Variants in GRIN2A observed in about 807,000 individuals in gnomAD.
The protein encoded by GRIN2A is glutamate receptor ionotropic, NMDA 2A.
In GRIN2A, 22 loss-of-function variants were observed where a neutral mutation model predicts 113.4. The ratio of observed to expected loss-of-function variants is 0.19; its 90% CI spans 0.14 to 0.28. The LOEUF (loss-of-function observed/expected upper bound fraction) is 0.28, where lower values mean the gene tolerates loss of function less well. Among genes scored for constraint, GRIN2A ranks in the 10% least tolerant of loss-of-function variants. The probability of loss-of-function intolerance (pLI) is 1.00; values close to 1 mark genes in which losing one functional copy is unlikely to be tolerated. For missense variants in GRIN2A, 1,502 were observed against 1,887.0 expected (o/e 0.80, Z 3.78); for synonymous variants, 827 against 738.4 (o/e 1.12, Z -1.94).
chr16:9,995,061 C>G (rs147805790), intron 2 of GRIN2A, among the ~76,000 whole-genome samples: 1 of 152,196 alleles, frequency 6.6e-6, no homozygotes, highest in Non-Finnish European at 1.5e-5. Context: ...GAAAGGAAGA[C>G]TGTTGGTCCT....
In GRIN2A at chr16:9,841,901, A is replaced by G. The variant is rs545322833; in HGVS notation, c.1329-797T>C. Among the ~76,000 whole-genome samples the G allele has an allele frequency of 5.9e-5, 9 of 152,352 alleles. No individual in the cohort carries two copies. The South Asian group carries it at 1.7e-3, about 28-fold the overall frequency. ...TGTTTTGTACCAGCCACCTTGCTGT[A>G]TTCACCTGAACAAGACATATTCAAA... On this transcript the variant is annotated intron_variant, in intron 5 of 12. Transcript: ENST00000330684.
At position 9,896,328 on chromosome 16, in the gene GRIN2A, C is replaced by T. The variant is rs180699415; in HGVS notation, c.1008-5228G>A. On this transcript the variant is annotated intron_variant, in intron 3 of 12. Coordinates refer to ENST00000330684, the MANE Select transcript of GRIN2A (RefSeq NM_001134407.3). ...CCTCCCAAAGTGCTGGGATTACAGG[C>T]GTGAGCCACCATGCCCAGCCAAAAC... Among the ~76,000 whole-genome samples the T allele has an allele frequency of 7.0e-4, 107 of 152,246 alleles. 1 individual carries two copies. The South Asian group carries it at 0.015, about 21-fold the overall frequency.
upstream of GRIN2A, chr16:10,182,763 GCCCTA>G (rs2050294423): frequency 6.6e-6 from 1 of 152,366 alleles, no homozygotes; most frequent in Non-Finnish European, 1.5e-5. Context: ...ATCCGGCCAA[GCCCTA>G]GGAGCTCCCC....
At chr16:9,779,156 G>A (rs1901790930) in intron 11 of GRIN2A, among the ~76,000 whole-genome samples, 1 of 152,244 alleles carries the variant, frequency 6.6e-6, no homozygotes, top group Non-Finnish European at 1.5e-5. Flanking sequence ...AAAGGAAGCA[G>A]TGGGAAAGCA....
At chr16:10,036,437 CTTTT>C (rs1360199200) in intron 2 of GRIN2A, among the ~76,000 whole-genome samples, 7 of 92,672 alleles carry the variant, frequency 7.6e-5, no homozygotes, top group African/African-American at 1.3e-4. Flanking sequence ...TTAGTACTTA[CTTTT>C]TTTTTTTCTT....
chr16:10,060,880 A>T (rs2047541332), intron 2 of GRIN2A, among the ~76,000 whole-genome samples: 1 of 152,128 alleles, frequency 6.6e-6, no homozygotes, highest in South Asian at 2.1e-4. Context: ...CCCAAATCTA[A>T]CTTCCTACCA....
chr16:10,112,339 T>C (rs1176396323), intron 2 of GRIN2A: 2 of 651,102 alleles, frequency 3.1e-6, no homozygotes, highest in East Asian at 2.6e-5. Flanking sequence ...GTGGATGGAC[T>C]GCATGTAGTT....
rs961637334 is a variant in GRIN2A at position 9,762,282 on chromosome 16, A to G, written c.*867T>C. The G allele has an allele frequency of 8.8e-6, 2 of 226,340 alleles. No individual in the cohort carries two copies. Among genetic ancestry groups the G allele is most frequent in the Non-Finnish European group, 1.8e-5 (2 of 113,514 alleles). 14.0% of individuals were successfully genotyped at this position (226,340 alleles called of 1,614,324 possible). On this transcript the variant is annotated 3_prime_UTR_variant, in exon 13 of 13. Transcript: ENST00000330684. ...AGGGAGGAAATGCAAACTTACGTAC[A>G]TAGGCGTCTTCGGGATAAACTACAA...
At position 9,756,349 on chromosome 16, in the gene GRIN2A, G is replaced by GCT. The variant is rs978961205; in HGVS notation, c.*6799_*6800insAG. ...ACAAACAGTGTTCAAGTCTCAGAAG[G>GCT]AACTATGAACAGAGGTGAGATCCCC... On this transcript the variant is annotated 3_prime_UTR_variant, in exon 13 of 13. Coordinates refer to ENST00000330684, the MANE Select transcript of GRIN2A (RefSeq NM_001134407.3). 2.2e-5 allele frequency: 5 copies of GCT among 230,068 alleles called. No homozygotes were observed. The highest frequency in any genetic ancestry group is 1.1e-4 in the African/African-American group (5 of 45,128). The allele number at this position is 230,068 out of a possible 1,614,324, so 14.3% of individuals were successfully genotyped here.
chr16:10,042,538 G>C (rs1472609595), intron 2 of GRIN2A, among the ~76,000 whole-genome samples: 1 of 152,098 alleles, frequency 6.6e-6, no homozygotes, highest in Non-Finnish European at 1.5e-5. Flanking sequence ...AGAGACCCTA[G>C]GCAAGAATCC....
At chr16:9,794,865 C>T (rs1388196139) in intron 11 of GRIN2A, 1 of 152,144 alleles carries the variant, frequency 6.6e-6, no homozygotes, top group Non-Finnish European at 1.5e-5. Context: ...CAGTGCAACA[C>T]TAAAGAAGTT....
chr16:9,781,474 C>G (rs951130173), intron 11 of GRIN2A, among the ~76,000 whole-genome samples: 1 of 152,158 alleles, frequency 6.6e-6, no homozygotes, highest in Admixed American at 6.5e-5. Flanking sequence ...GATCCTCCCA[C>G]CTCAGCTTCC....
At chr16:10,123,265 C>G (rs2048867732) in intron 2 of GRIN2A, among the ~76,000 whole-genome samples, 1 of 152,144 alleles carries the variant, frequency 6.6e-6, no homozygotes, top group South Asian at 2.1e-4. Context: ...CTCCAGCAAC[C>G]CTGGCTCGGG....
intron 2 of GRIN2A, among the ~76,000 whole-genome samples, chr16:10,123,481 G>T (rs576333294): frequency 2.6e-5 from 4 of 152,122 alleles, no homozygotes; most frequent in Non-Finnish European, 4.4e-5. Flanking sequence ...TACTGAAGTC[G>T]CACGTTGTTT....
intron 2 of GRIN2A, among the ~76,000 whole-genome samples, chr16:10,080,136 T>C (rs2047951172): frequency 6.6e-6 from 1 of 152,228 alleles, no homozygotes; most frequent in Non-Finnish European, 1.5e-5. Context: ...CCCTGCCTGG[T>C]TGCCACAACA....
chr16:9,882,314 C>T (rs1199497709), intron 4 of GRIN2A, among the ~76,000 whole-genome samples: 1 of 152,214 alleles, frequency 6.6e-6, no homozygotes, highest in Non-Finnish European at 1.5e-5. Flanking sequence ...CACAATGATA[C>T]ACCACAGTCA....
In GRIN2A at chr16:10,050,326, A is replaced by G. The variant is rs1220985432; in HGVS notation, c.415-111775T>C. ...GACCAGTACCAGTCCATGACCTATT[A>G]GGAACTGGGCCACACAGCAGGAGGT... On this transcript the variant is annotated intron_variant, in intron 2 of 12. Transcript: ENST00000330684. 1.3e-5 allele frequency among the ~76,000 whole-genome samples: 2 copies of G among 152,156 alleles called. 1 individual carries two copies. Among genetic ancestry groups the G allele is most frequent in the African/African-American group, 4.8e-5 (2 of 41,436 alleles).
rs758615952 is a variant in GRIN2A at position 9,763,748 on chromosome 16, C to T, written c.3796G>A (p.Val1266Ile). 1 of 1,614,130 alleles carries T rather than the reference C, an allele frequency of 6.2e-7. No individual in the cohort carries two copies. The highest frequency in any genetic ancestry group is 1.3e-5 in the African/African-American group (1 of 75,028). Residue 1266 changes from valine (V) to isoleucine (I), a missense_variant, in exon 13 of 13, where the codon GTC becomes ATC. Coordinates refer to ENST00000330684, the MANE Select transcript of GRIN2A (RefSeq NM_001134407.3). ...ETGNPATGEQVYQQDWAQNNA... is the reference protein window; with the variant it reads ...ETGNPATGEQIYQQDWAQNNA... The stretch of plus-strand genomic sequence containing the variant: ...TTCTGTGCCCAGTCCTGCTGGTAGA[C>T]CTGCTCCCCGGTGGCTGGGTTACCT...
At chr16:9,897,925 A>T (rs2043838655) in intron 3 of GRIN2A, among the ~76,000 whole-genome samples, 1 of 152,196 alleles carries the variant, frequency 6.6e-6, no homozygotes, top group South Asian at 2.1e-4. Flanking sequence ...TGCAGAATGA[A>T]TAAAAGAATA....
Sources: allele counts gnomAD v4.1 joint callset (sites outside exome capture counted in the v4.1 genomes callset), GRCh38; gene constraint gnomAD v4.1.1; transcripts MANE v1.5; gene names NCBI Gene and HGNC (gene_info 2026-07-23, HGNC 2026-07-21).